SSH2: variants seen among roughly 807,000 people sequenced by gnomAD.
SSH2 encodes slingshot protein phosphatase 2.
Under a neutral mutation model 135.2 loss-of-function variants are expected in SSH2, and 37 were observed. The ratio of observed to expected loss-of-function variants is 0.27; its 90% CI spans 0.21 to 0.36. SSH2 has a LOEUF of 0.36. Ranked by LOEUF, SSH2 falls within the 10% of genes least tolerant of loss-of-function variation. The pLI is 1.00. For missense variants in SSH2, 1,408 were observed against 1,765.3 expected (o/e 0.80, Z 3.63); for synonymous variants, 628 against 646.2 (o/e 0.97, Z 0.43).
At position 29,631,543 on chromosome 17, in the gene SSH2, G is replaced by A. The variant is rs1192855927; in HGVS notation, c.3651C>T (p.Ser1217=). Residue 1217 remains serine, a synonymous_variant, in exon 16 of 16, where the codon AGC becomes AGT. Coordinates refer to ENST00000540801, the MANE Select transcript of SSH2 (RefSeq NM_001282129.2). ...QLSSADLSLI[S]KLGDNTGELQ... Reference sequence around the variant, plus strand: ...ACTCCCCAGTGTTGTCACCAAGTTTGCTAATTAAACTTAGGTCTGCGCTAC... The same window carrying A: ...ACTCCCCAGTGTTGTCACCAAGTTTACTAATTAAACTTAGGTCTGCGCTAC... The A allele has an allele frequency of 1.2e-6, 2 of 1,614,130 alleles. No individual in the cohort carries two copies. The highest frequency in any genetic ancestry group is 1.7e-6 in the Non-Finnish European group (2 of 1,180,024).
At chr17:29,649,195 A>G (rs2036497286) in intron 13 of SSH2, among the ~76,000 whole-genome samples, 1 of 151,862 alleles carries the variant, frequency 6.6e-6, no homozygotes, top group African/African-American at 2.4e-5. Flanking sequence ...GCATTTTAAG[A>G]GATACACACC....
chr17:29,636,048 C>T lies in SSH2; in HGVS notation c.2182G>A (p.Ala728Thr), dbSNP rs1233216950. The T allele has an allele frequency of 1.9e-6, 3 of 1,614,090 alleles. No individual in the cohort carries two copies. ...AAAGAGCTGCTTCTCTGGTCATCAGCTGTCACTTTGGAAGGGGCTACTTCT... is the reference window on the plus strand; with the variant it reads ...AAAGAGCTGCTTCTCTGGTCATCAGTTGTCACTTTGGAAGGGGCTACTTCT... ...VVEVAPSKVT[A>T]DDQRSSSLSN... is the part of the protein sequence containing the mutation. The change falls in exon 15 of 16, where the codon GCT (alanine) becomes ACT (threonine). Residue 728 changes from alanine (A) to threonine (T), a missense_variant. Transcript: ENST00000540801.
intron 3 of SSH2, among the ~76,000 whole-genome samples, chr17:29,719,236 A>C (rs1227090900): frequency 6.6e-6 from 1 of 152,156 alleles, no homozygotes; most frequent in Non-Finnish European, 1.5e-5. Flanking sequence ...AGAAACTTTC[A>C]TTTGTAGAAA....
intron 3 of SSH2, among the ~76,000 whole-genome samples, chr17:29,732,489 T>G (rs2040228753): frequency 1.3e-5 from 2 of 152,136 alleles, no homozygotes; most frequent in Admixed American, 1.3e-4. Flanking sequence ...TTTGGTCTAG[T>G]GCAAAAAAAT....
At chr17:29,841,916 TAGAGAC>T (rs2043047527) in intron 2 of SSH2, among the ~76,000 whole-genome samples, 4 of 142,976 alleles carry the variant, frequency 2.8e-5, no homozygotes, top group African/African-American at 8.0e-5. Context: ...TTTTTTTTTG[TAGAGAC>T]AGAGTTTTGC....
intron 2 of SSH2, among the ~76,000 whole-genome samples, chr17:29,802,618 C>CAA (rs74267073): frequency 4.5e-4 from 26 of 57,368 alleles, no homozygotes; most frequent in Admixed American, 1.0e-3. Flanking sequence ...ACTGTTTCTA[C>CAA]AAAAAAAAAA....
chr17:29,819,907 T>A (rs2042623909), intron 2 of SSH2, among the ~76,000 whole-genome samples: 1 of 152,240 alleles, frequency 6.6e-6, no homozygotes, highest in African/African-American at 2.4e-5. Context: ...TTAATCAATG[T>A]TGAGTTCATA....
chr17:29,636,714 G>A lies in SSH2; in HGVS notation c.1516C>T (p.Leu506Phe), dbSNP rs916959141. ...HEPICKPGLE[L>F]NKKDITTSAD... ...GAGGTGGTGATATCCTTCTTGTTGA[G>A]TTCTAGCCCAGGTTTGCAGATGGGT... is the stretch of plus-strand genomic sequence containing the variant. Residue 506 changes from leucine (L) to phenylalanine (F), a missense_variant, in exon 15 of 16, where the codon CTC (leucine) becomes TTC (phenylalanine). By Grantham distance (22) the Leu-to-Phe change is conservative (BLOSUM62 0). Transcript: ENST00000540801. 6.2e-7 allele frequency: 1 copy of A among 1,613,986 alleles called. No individual in the cohort carries two copies. The highest frequency in any genetic ancestry group is 1.3e-5 in the African/African-American group (1 of 74,890).
chr17:29,681,599 AT>A (rs1260793117), intron 6 of SSH2, among the ~76,000 whole-genome samples: 1 of 152,004 alleles, frequency 6.6e-6, no homozygotes, highest in East Asian at 1.9e-4. Context: ...ATGAAGCTCT[AT>A]TATTTTATAA....
chr17:29,714,339 C>T (rs1343753977), intron 3 of SSH2, among the ~76,000 whole-genome samples: 2 of 152,090 alleles, frequency 1.3e-5, no homozygotes, highest in Non-Finnish European at 2.9e-5. Flanking sequence ...ATTTCATTTG[C>T]ATGATTCAAC....
chr17:29,851,012 T>C (rs1000500235), intron 1 of SSH2, among the ~76,000 whole-genome samples: 2 of 152,038 alleles, frequency 1.3e-5, no homozygotes, highest in Non-Finnish European at 2.9e-5. Context: ...ACAAAAATTA[T>C]TGCTAAAAAT....
intron 1 of SSH2, among the ~76,000 whole-genome samples, chr17:29,917,683 T>C (rs1188072118): frequency 2.6e-5 from 4 of 152,070 alleles, no homozygotes; most frequent in Non-Finnish European, 1.5e-5. Flanking sequence ...TGAAACCCCA[T>C]CTCTACTGAA....
chr17:29,796,593 C>T (rs1420958012), intron 2 of SSH2, among the ~76,000 whole-genome samples: 3 of 152,216 alleles, frequency 2.0e-5, no homozygotes, highest in Admixed American at 1.3e-4. Context: ...CCGCCCACCT[C>T]GGCCTCCCAT....
rs1232404424 is a variant in SSH2 at position 29,632,663 on chromosome 17, G to A, written c.2531C>T (p.Ala844Val). The change falls in exon 16 of 16, where the codon GCC becomes GTC. Residue 844 changes from alanine to valine, a missense_variant. Ala to Val is a moderately conservative substitution (Grantham distance 64). Transcript: ENST00000540801. The part of the protein sequence containing the change: ...EDSCTAQPEL[A>V]KDSGMCNPEG... ...TGGGTTGCACATCCCTGAGTCTTTG[G>A]CTAGTTCAGGCTGGGCTGTGCAGGA... 6.2e-7 allele frequency: 1 copy of A among 1,614,140 alleles called. No individual in the cohort carries two copies. Among genetic ancestry groups the A allele is most frequent in the East Asian group, 2.2e-5 (1 of 44,878 alleles).
At chr17:29,889,598 T>G (rs1381816969) in intron 1 of SSH2, among the ~76,000 whole-genome samples, 3 of 151,782 alleles carry the variant, frequency 2.0e-5, no homozygotes, top group African/African-American at 7.3e-5. Context: ...AATTTAAAAA[T>G]TTTGTGCTTC....
Position 29,750,737 on chromosome 17 carries a change from C to T in SSH2, c.188+43157G>A, listed in dbSNP as rs1456545850. ...TATTTTTAAAATGTATTTTTTTGGC[C>T]GGGTGTGGTGGCTCATGCCTGTAAT... On this transcript the variant is annotated intron_variant, in intron 3 of 15. Transcript: ENST00000540801. Among the ~76,000 whole-genome samples, 9 of 150,860 alleles carry T rather than the reference C, an allele frequency of 6.0e-5. No individual in the cohort carries two copies. The East Asian group carries it at 7.8e-4, about 13-fold the overall frequency.
intron 2 of SSH2, among the ~76,000 whole-genome samples, chr17:29,833,626 ATTTGT>A (rs535341481): frequency 7.5e-4 from 113 of 150,828 alleles, no homozygotes; most frequent in African/African-American, 2.7e-3. Flanking sequence ...TCATTTTGTT[ATTTGT>A]TTTCTGTTTT....
intron 11 of SSH2, among the ~76,000 whole-genome samples, chr17:29,666,163 A>C (rs537034097): frequency 6.6e-6 from 1 of 152,188 alleles, no homozygotes; most frequent in African/African-American, 2.4e-5. Flanking sequence ...GCTTGAGCTC[A>C]GGAGTTCGAG....
chr17:29,884,048 A>G (rs997030836), intron 1 of SSH2, among the ~76,000 whole-genome samples: 3 of 152,128 alleles, frequency 2.0e-5, no homozygotes, highest in Non-Finnish European at 4.4e-5. Context: ...TCCTGGGCTC[A>G]AGCAATCCTC....
Sources: gnomAD v4.1 joint callset for allele counts (sites outside exome capture counted in the v4.1 genomes callset) on GRCh38, gnomAD v4.1.1 for gene constraint, MANE v1.5 for transcripts, NCBI Gene and HGNC (gene_info 2026-07-23, HGNC 2026-07-21) for gene names.